The following JMJD1C variants were observed in gnomAD, a reference collection of about 807,000 sequenced individuals.
JMJD1C encodes jumonji domain containing 1C.
In JMJD1C, 31 loss-of-function variants were observed where a neutral mutation model predicts 245.3. The observed-to-expected ratio is 0.13, with a 90% CI of 0.09 to 0.17. JMJD1C has a LOEUF of 0.17. Among genes scored for constraint, JMJD1C ranks in the 10% least tolerant of loss-of-function variants. The pLI, the probability that JMJD1C is intolerant of heterozygous loss-of-function variation, is 1.00. For synonymous variants in JMJD1C, 1,057 were observed against 1,017.4 expected (o/e 1.04, Z -0.74); for missense variants, 2,691 against 3,000.2 (o/e 0.90, Z 2.41).
chr10:63,200,454 C>T, intron 11 of JMJD1C, 22 bp downstream of exon 11: 1 of 1,570,384 alleles, frequency 6.4e-7, no homozygotes, highest in Non-Finnish European at 8.7e-7. Flanking sequence ...TACTTTTTTC[C>T]CAATCTCATA....
At chr10:63,177,508 A>G in intron 23 of JMJD1C, 1 of 554,468 alleles carries the variant, frequency 1.8e-6, no homozygotes, top group South Asian at 2.1e-5. Context: ...AACTGGGAAC[A>G]AATCACCATT....
At chr10:63,380,999 C>T (rs1018656463) in intron 1 of JMJD1C, among the ~76,000 whole-genome samples, 2 of 151,954 alleles carry the variant, frequency 1.3e-5, no homozygotes, top group African/African-American at 4.8e-5. Context: ...CTAAGAGCCA[C>T]GATAATGAAA....
In JMJD1C at chr10:63,264,772, G is replaced by GAA; in HGVS notation, c.334-10_334-9dup. 5.5e-6 allele frequency: 7 copies of GAA among 1,269,686 alleles called. No individual in the cohort carries two copies. Among genetic ancestry groups the GAA allele is most frequent in the East Asian group, 2.5e-5 (1 of 40,046 alleles). The allele number at this position is 1,269,686 out of a possible 1,614,324, so 78.7% of individuals were successfully genotyped here. On this transcript the variant is annotated splice_polypyrimidine_tract_variant and intron_variant, in intron 2 of 25. Transcript: ENST00000399262. ...AACCAGAGGTTTGAAAGTCTGCCAA[G>GAA]AAAAAAAAAATTTCTAATGATAATT...
intron 1 of JMJD1C, among the ~76,000 whole-genome samples, chr10:63,422,602 T>C (rs1025156076): frequency 6.6e-6 from 1 of 152,222 alleles, no homozygotes; most frequent in Admixed American, 6.5e-5. Context: ...GAGTCTCTAC[T>C]GTAGACCCAC....
chr10:63,210,440 A>G (rs1361190540), intron 8 of JMJD1C, among the ~76,000 whole-genome samples: 2 of 152,198 alleles, frequency 1.3e-5, no homozygotes, highest in East Asian at 3.8e-4. Flanking sequence ...AGTTTAACAC[A>G]TTTATGACCA....
intron 2 of JMJD1C, among the ~76,000 whole-genome samples, chr10:63,371,621 C>T (rs143326229): frequency 6.6e-5 from 10 of 152,228 alleles, no homozygotes; most frequent in Non-Finnish European, 1.3e-4. Flanking sequence ...TTTCAAGCAT[C>T]GTTTCCTAAG....
intron 1 of JMJD1C, among the ~76,000 whole-genome samples, chr10:63,449,113 T>C (rs1951881098): frequency 6.6e-6 from 1 of 151,224 alleles, no homozygotes; most frequent in Non-Finnish European, 1.5e-5. Context: ...CAAGACTCCG[T>C]CTCAAAAATA....
At chr10:63,291,413 A>G (rs1858693110) in intron 2 of JMJD1C, among the ~76,000 whole-genome samples, 1 of 151,754 alleles carries the variant, frequency 6.6e-6, no homozygotes, top group East Asian at 1.9e-4. Flanking sequence ...TCACGAGATC[A>G]AGACCATCCT....
At chr10:63,494,063 C>A (rs1193530716) in intron 1 of JMJD1C, among the ~76,000 whole-genome samples, 5 of 152,184 alleles carry the variant, frequency 3.3e-5, no homozygotes, top group African/African-American at 1.2e-4. Context: ...ATAATCCCAG[C>A]ACTTTGGAAG....
Position 63,337,603 on chromosome 10 carries a change from GAAAA to G in JMJD1C, c.333+42711_333+42714del, listed in dbSNP as rs1309484413. Among the ~76,000 whole-genome samples the G allele has an allele frequency of 7.0e-3, 708 of 101,170 alleles. 60 individuals carry two copies. Among genetic ancestry groups the G allele is most frequent in the African/African-American group, 0.041 (663 of 16,050 alleles). The allele number at this position is 101,170 out of a possible 152,430, so 66.4% of individuals were successfully genotyped here. On this transcript the variant is annotated intron_variant, in intron 2 of 25. Coordinates refer to ENST00000399262, the MANE Select transcript of JMJD1C (RefSeq NM_032776.3). ...GAAAAGAAAAGAAAAGAAAAGAAAA[GAAAA>G]GAAAAGAAAAGAAAAGAAAAAGAAA...
At chr10:63,266,802 T>G (rs759480579) in intron 2 of JMJD1C, among the ~76,000 whole-genome samples, 3 of 152,182 alleles carry the variant, frequency 2.0e-5, no homozygotes, top group Admixed American at 6.5e-5. Context: ...GGAGTGCCTC[T>G]TTCTTACGCA....
At chr10:63,292,144 A>AGTTTTTTTTTTTTTTT (rs1858835101) in intron 2 of JMJD1C, among the ~76,000 whole-genome samples, 1 of 56,326 alleles carries the variant, frequency 1.8e-5, no homozygotes, top group East Asian at 5.7e-4. Context: ...GTAGAGACAG[A>AGTTTTTTTTTTTTTTT]TTTTTTTTTT....
chr10:63,278,341 AAG>A (rs1367660255), intron 2 of JMJD1C, among the ~76,000 whole-genome samples: 1 of 110,456 alleles, frequency 9.1e-6, no homozygotes, highest in African/African-American at 3.1e-5. Flanking sequence ...CAACAATTAA[AAG>A]AGAATAATAA....
At chr10:63,246,242 C>T (rs753804693) in intron 3 of JMJD1C, among the ~76,000 whole-genome samples, 10 of 152,008 alleles carry the variant, frequency 6.6e-5, no homozygotes, top group Non-Finnish European at 1.3e-4. Context: ...ACAGATGTGA[C>T]CCAAATAAGA....
chr10:63,445,909 C>G (rs1951691961), intron 1 of JMJD1C, among the ~76,000 whole-genome samples: 1 of 114,214 alleles, frequency 8.8e-6, no homozygotes, highest in African/African-American at 3.5e-5. Flanking sequence ...GAGTCTCACT[C>G]TGGTTACCTA....
At chr10:63,299,354 T>C (rs1293423655) in intron 2 of JMJD1C, among the ~76,000 whole-genome samples, 1 of 119,608 alleles carries the variant, frequency 8.4e-6, no homozygotes, top group Admixed American at 8.1e-5. Context: ...AGCTAATTTT[T>C]CCATTTTTTT....
intron 3 of JMJD1C, among the ~76,000 whole-genome samples, chr10:63,230,920 G>T (rs923233004): frequency 6.6e-6 from 1 of 152,144 alleles, no homozygotes; most frequent in Admixed American, 6.5e-5. Context: ...ATAATTCTGA[G>T]TCTGTATTGT....
At chr10:63,374,139 T>G (rs1207818347) in intron 2 of JMJD1C, among the ~76,000 whole-genome samples, 1 of 151,912 alleles carries the variant, frequency 6.6e-6, no homozygotes, top group Non-Finnish European at 1.5e-5. Context: ...CTATGAAATA[T>G]GACAAAAAGG....
chr10:63,337,934 T>C (rs1281495168), intron 2 of JMJD1C, among the ~76,000 whole-genome samples: 2 of 152,168 alleles, frequency 1.3e-5, no homozygotes, highest in Admixed American at 1.3e-4. Flanking sequence ...CATAAGAATC[T>C]CAAGATGAAG....
Sources: gnomAD v4.1 joint callset for allele counts (sites outside exome capture counted in the v4.1 genomes callset) on GRCh38, gnomAD v4.1.1 for gene constraint, MANE v1.5 for transcripts, NCBI Gene and HGNC (gene_info 2026-07-23, HGNC 2026-07-21) for gene names.